CECR2: variants seen among roughly 807,000 people sequenced by gnomAD.
The protein encoded by CECR2 is chromatin remodeling regulator CECR2.
In CECR2, 30 loss-of-function variants were observed where a neutral mutation model predicts 154.5. That is an observed-to-expected ratio of 0.19 (90% CI 0.15 to 0.26). The LOEUF (loss-of-function observed/expected upper bound fraction) is 0.26. Ranked by LOEUF, CECR2 falls within the 10% of genes least tolerant of loss-of-function variation. The probability of loss-of-function intolerance (pLI) is 1.00; values close to 1 mark genes in which losing one functional copy is unlikely to be tolerated. For missense variants in CECR2, 1,743 were observed against 1,829.3 expected, an observed-to-expected ratio of 0.95 and a Z score of 0.86; for synonymous variants, 725 against 683.7, an observed-to-expected ratio of 1.06 and a Z score of -0.94.
At chr22:17,365,723 C>CA (rs1298567636), upstream of CECR2, among the ~76,000 whole-genome samples, 36 of 151,766 alleles carry the variant, frequency 2.4e-4, 1 homozygote, top group East Asian at 5.0e-3. Context: ...CAAAAACAAA[C>CA]AAAAAAATGT....
chr22:17,413,416 G>A (rs1337788808), intron 1 of CECR2, among the ~76,000 whole-genome samples: 1 of 152,032 alleles, frequency 6.6e-6, no homozygotes. Flanking sequence ...CTGTGTCTTG[G>A]CCGTGATTAC....
At chr22:17,391,696 ATAAAT>A (rs1363816769) in intron 1 of CECR2, among the ~76,000 whole-genome samples, 1 of 152,264 alleles carries the variant, frequency 6.6e-6, no homozygotes, top group Non-Finnish European at 1.5e-5. Context: ...TAACTGACAA[ATAAAT>A]TGAATGATCA....
rs374889016 is a variant in CECR2, at chr22:17,552,077, C to T, written c.4324C>T (p.Pro1442Ser). Reference sequence around the variant, plus strand: ...GTCGCAGGCCTCGTTCCCAAAGACCCCCACAGCAGCAACATCACAGGAGGA... The same window carrying T: ...GTCGCAGGCCTCGTTCCCAAAGACCTCCACAGCAGCAACATCACAGGAGGA... ...VQSQASFPKT[P>S]TAATSQEEVP... The change falls in exon 18 of 19, where the codon CCC becomes TCC. Residue 1442 changes from proline to serine, a missense_variant. Physicochemically the swap from Pro to Ser is moderately conservative, Grantham distance 74. Transcript: ENST00000262608. 8.6e-5 allele frequency: 138 copies of T among 1,613,894 alleles called. No individual in the cohort carries two copies. Among genetic ancestry groups the T allele is most frequent in the Non-Finnish European group, 1.1e-4 (132 of 1,179,902 alleles).
At chr22:17,401,828 A>ACCCCC (rs34211703) in intron 1 of CECR2, among the ~76,000 whole-genome samples, 2 of 114,150 alleles carry the variant, frequency 1.8e-5, no homozygotes, top group African/African-American at 6.4e-5. Context: ...AATATTTAAC[A>ACCCCC]CCCCCCCCCG....
chr22:17,363,046 TTC>T (rs1237464445), intron 1 of CECR2, among the ~76,000 whole-genome samples: 3 of 101,446 alleles, frequency 3.0e-5, no homozygotes, highest in East Asian at 4.0e-4. Flanking sequence ...CATTTCCTTC[TTC>T]TTTTTTTTTT....
intron 1 of CECR2, among the ~76,000 whole-genome samples, chr22:17,447,218 G>T (rs1342162566): frequency 6.7e-6 from 1 of 149,228 alleles, no homozygotes; most frequent in Non-Finnish European, 1.5e-5. Flanking sequence ...GTGTTTTTTA[G>T]TAGACGGGAC....
intron 2 of CECR2, among the ~76,000 whole-genome samples, chr22:17,486,512 G>A (rs531840585): frequency 5.9e-5 from 9 of 152,304 alleles, no homozygotes; most frequent in Non-Finnish European, 8.8e-5. Context: ...CGCCCCTTGC[G>A]GCTTGGATGA....
intron 9 of CECR2, among the ~76,000 whole-genome samples, chr22:17,531,415 C>A (rs1230256619): frequency 2.0e-5 from 3 of 152,184 alleles, no homozygotes; most frequent in Non-Finnish European, 4.4e-5. Context: ...CCTCAGCGTG[C>A]CTCCCGTGGT....
In CECR2 at chr22:17,499,508, C is replaced by T; in HGVS notation, c.504C>T (p.Asp168=). 6.2e-7 allele frequency: 1 copy of T among 1,613,364 alleles called. No homozygotes were observed. The highest frequency in any genetic ancestry group is 8.5e-7 in the Non-Finnish European group (1 of 1,179,658). Residue 168 remains aspartate, a synonymous_variant, in exon 4 of 19, where the codon GAC becomes GAT. Transcript: ENST00000262608. Reference sequence around the variant, plus strand: ...ATGGAACACGAATGTACAAAGAGGACCCGGTGCAAGGAAAATCCAATGGAG... The same window carrying T: ...ATGGAACACGAATGTACAAAGAGGATCCGGTGCAAGGAAAATCCAATGGAG... ...YFYGTRMYKE[D]PVQGKSNGEL... is the part of the protein sequence containing the mutation.
chr22:17,433,894 C>T (rs1447245303), intron 1 of CECR2, among the ~76,000 whole-genome samples: 1 of 152,114 alleles, frequency 6.6e-6, no homozygotes, highest in Non-Finnish European at 1.5e-5. Context: ...CAACCTGTTT[C>T]TGTCATACTA....
At chr22:17,442,311 C>G (rs369436132) in intron 1 of CECR2, among the ~76,000 whole-genome samples, 15 of 152,236 alleles carry the variant, frequency 9.9e-5, no homozygotes, top group African/African-American at 3.6e-4. Flanking sequence ...CACCTATAAT[C>G]CCAGAACTTC....
chr22:17,515,876 C>T lies in CECR2; in HGVS notation c.954+3980C>T, dbSNP rs563869102. ...ATTTTTAGTAGAAATGGGGTTTCACCGTGTTAGCCAGGATGGTCTCGATCT... is the reference window on the plus strand; with the variant it reads ...ATTTTTAGTAGAAATGGGGTTTCACTGTGTTAGCCAGGATGGTCTCGATCT... On this transcript the variant is annotated intron_variant, in intron 8 of 18. Coordinates refer to ENST00000262608, the MANE Select transcript of CECR2 (RefSeq NM_001290047.2). Among the ~76,000 whole-genome samples, 12 of 152,188 alleles carry T rather than the reference C, an allele frequency of 7.9e-5. No homozygotes were observed. The East Asian group carries it at 1.9e-3, about 25-fold the overall frequency.
chr22:17,507,169 C>A (rs1385374797), intron 7 of CECR2, among the ~76,000 whole-genome samples: 1 of 152,084 alleles, frequency 6.6e-6, no homozygotes, highest in East Asian at 1.9e-4. Context: ...TATTGTAGAT[C>A]TGGTGCTGTG....
At chr22:17,520,069 G>A (rs60263120) in intron 8 of CECR2, among the ~76,000 whole-genome samples, 3,337 of 152,148 alleles carry the variant, frequency 0.022, 119 homozygotes, top group African/African-American at 0.077. Flanking sequence ...GATTACAGGC[G>A]TGAGCCACCG....
intron 1 of CECR2, among the ~76,000 whole-genome samples, chr22:17,395,673 C>T (rs16982369): frequency 0.027 from 4,075 of 152,142 alleles, 197 homozygotes; most frequent in African/African-American, 0.093. Flanking sequence ...TACTTAAGCA[C>T]GCATTGAGTA....
chr22:17,555,576 A>G lies in CECR2; in HGVS notation c.*2736A>G, dbSNP rs958535465. ...CATCCCCAAGCAGGATCTTCTTCTC[A>G]CCTTTTCTTCCTCCTCTAGCACTTC... On this transcript the variant is annotated 3_prime_UTR_variant, in exon 19 of 19. Transcript: ENST00000262608. The G allele has an allele frequency of 6.6e-6, 1 of 152,132 alleles. No homozygotes were observed. The highest frequency in any genetic ancestry group is 2.4e-5 in the African/African-American group (1 of 41,404). 9.4% of individuals were successfully genotyped at this position (152,132 alleles called of 1,614,324 possible). A position where few individuals can be genotyped will look rare whatever the true frequency, so the allele number is the denominator to read the frequency against.
At chr22:17,434,102 AC>A (rs760840110) in intron 1 of CECR2, among the ~76,000 whole-genome samples, 12,130 of 152,184 alleles carry the variant, frequency 0.08, 1,029 homozygotes, top group African/African-American at 0.22. Flanking sequence ...AACGTATTTC[AC>A]TTACTTACTC....
At chr22:17,531,602 G>T (rs2056356293) in intron 9 of CECR2, among the ~76,000 whole-genome samples, 1 of 152,182 alleles carries the variant, frequency 6.6e-6, no homozygotes, top group South Asian at 2.1e-4. Flanking sequence ...TGTGTTCACT[G>T]TAAGTTCTAG....
intron 1 of CECR2, among the ~76,000 whole-genome samples, chr22:17,431,938 A>G (rs918877048): frequency 6.6e-6 from 1 of 152,074 alleles, no homozygotes; most frequent in Non-Finnish European, 1.5e-5. Context: ...GGCACACTCC[A>G]CTCACGTTTT....
Sources: allele counts gnomAD v4.1 joint callset (sites outside exome capture counted in the v4.1 genomes callset), GRCh38; gene constraint gnomAD v4.1.1; transcripts MANE v1.5; gene names NCBI Gene and HGNC (gene_info 2026-07-23, HGNC 2026-07-21).